The following GSE1 variants were observed in gnomAD, a reference collection of about 807,000 sequenced individuals.
The protein encoded by GSE1 is genetic suppressor element 1.
In GSE1, 32 loss-of-function variants were observed where a neutral mutation model predicts 112.6. That is an observed-to-expected ratio of 0.28 (90% confidence interval 0.21 to 0.38). GSE1 has a LOEUF of 0.38. Ranked by LOEUF, GSE1 falls within the 10% of genes least tolerant of loss-of-function variation. The pLI, the probability that GSE1 is intolerant of heterozygous loss-of-function variation, is 1.00. For synonymous variants in GSE1, 1,115 were observed against 735.6 expected (o/e 1.52, Z -8.35); for missense variants, 2,348 against 1,699.2 (o/e 1.38, Z -6.71).
In GSE1 at chr16:85,675,969, C is replaced by T. The variant is rs2053653222; in HGVS notation, c.*3430C>T. 6.6e-6 allele frequency: 1 copy of T among 152,590 alleles called. No homozygotes were observed. The highest frequency in any genetic ancestry group is 1.5e-5 in the Non-Finnish European group (1 of 68,040). 9.5% of individuals were successfully genotyped at this position (152,590 alleles called of 1,614,324 possible). A position where few individuals can be genotyped will look rare whatever the true frequency, so the allele number is the denominator to read the frequency against. On this transcript the variant is annotated 3_prime_UTR_variant, in exon 16 of 16. Transcript: ENST00000253458. ...GCTAACTGGTGTTATTTTGTATGTA[C>T]CCTGTGCTTAATTCTATAACAGTAA...
At chr16:85,571,515 G>A (rs575919213) in intron 1 of GSE1, among the ~76,000 whole-genome samples, 44 of 152,360 alleles carry the variant, frequency 2.9e-4, no homozygotes, top group African/African-American at 1.0e-3. Context: ...CCCAGAAGCT[G>A]GAAGGCTGGG....
intron 1 of GSE1, among the ~76,000 whole-genome samples, chr16:85,217,812 C>T (rs993016752): frequency 2.0e-5 from 3 of 152,172 alleles, no homozygotes; most frequent in Non-Finnish European, 4.4e-5. Flanking sequence ...GCCTCCTCCT[C>T]GAAGCCCTCC....
At chr16:85,585,740 G>T (rs536543070) in intron 1 of GSE1, among the ~76,000 whole-genome samples, 4 of 152,194 alleles carry the variant, frequency 2.6e-5, no homozygotes, top group Admixed American at 1.3e-4. Flanking sequence ...TAGAGCTGAC[G>T]GCGATGACAC....
chr16:85,626,765 G>C (rs28507623), intron 1 of GSE1, among the ~76,000 whole-genome samples: 1 of 151,954 alleles, frequency 6.6e-6, no homozygotes, highest in South Asian at 2.1e-4. Flanking sequence ...CAGTAATTAC[G>C]GGATCCGCGG....
upstream of GSE1, among the ~76,000 whole-genome samples, chr16:85,608,437 T>C (rs3935121): frequency 0.09 from 13,500 of 149,874 alleles, 1,870 homozygotes; most frequent in African/African-American, 0.3. Context: ...AGCTAACGGC[T>C]CCCTCCCCCG....
At chr16:85,336,155 G>C (rs1351846837) in intron 1 of GSE1, among the ~76,000 whole-genome samples, 1 of 152,228 alleles carries the variant, frequency 6.6e-6, no homozygotes, top group Non-Finnish European at 1.5e-5. Context: ...GGACTCCAGG[G>C]TCACCAGGGG....
chr16:85,464,184 GC>G (rs1239777709), intron 2 of GSE1, among the ~76,000 whole-genome samples: 1 of 152,114 alleles, frequency 6.6e-6, no homozygotes, highest in Non-Finnish European at 1.5e-5. Context: ...AGCTTTTAAA[GC>G]TTTTTGCCTT....
intron 1 of GSE1, among the ~76,000 whole-genome samples, chr16:85,212,748 C>G (rs573853342): frequency 2.6e-4 from 39 of 152,296 alleles, no homozygotes; most frequent in African/African-American, 9.1e-4. Context: ...TCCGCCCACT[C>G]GCAGGGGTGA....
chr16:85,210,958 G>T (rs890777480), intron 1 of GSE1, among the ~76,000 whole-genome samples: 1 of 152,236 alleles, frequency 6.6e-6, no homozygotes. Context: ...TTCTCTGTAA[G>T]ATGATCTTTG....
upstream of GSE1, among the ~76,000 whole-genome samples, chr16:85,606,684 C>A (rs1299503861): frequency 1.3e-5 from 2 of 152,236 alleles, no homozygotes; most frequent in African/African-American, 4.8e-5. Flanking sequence ...CTGTGGCTTG[C>A]CTGTGGCAGC....
At chr16:85,364,852 C>T (rs1024686244) in intron 2 of GSE1, among the ~76,000 whole-genome samples, 1 of 152,188 alleles carries the variant, frequency 6.6e-6, no homozygotes, top group East Asian at 1.9e-4. Context: ...TTCTGCTGGG[C>T]GGTTCGTCCA....
intron 1 of GSE1, among the ~76,000 whole-genome samples, chr16:85,273,808 G>C (rs1160875444): frequency 6.6e-6 from 1 of 151,798 alleles, no homozygotes; most frequent in African/African-American, 2.4e-5. Flanking sequence ...TCCTGCCTCA[G>C]ACTCCCAAGT....
At chr16:85,183,420 G>A (rs189553796) in intron 1 of GSE1, among the ~76,000 whole-genome samples, 28 of 152,338 alleles carry the variant, frequency 1.8e-4, no homozygotes, top group Non-Finnish European at 2.9e-4. Context: ...GGTGGGCACA[G>A]TGGCTGGGGA....
At position 85,537,124 on chromosome 16, in the gene GSE1, C is replaced by T. The variant is rs187493748; in HGVS notation, c.2465-96790C>T. 2.6e-5 allele frequency among the ~76,000 whole-genome samples: 4 copies of T among 152,310 alleles called. No homozygotes were observed. The East Asian group carries it at 7.7e-4, about 29-fold the overall frequency. ...AGGAGGGAGATTCCAGCTGCCCGTT[C>T]TGTGGCTCATTAGTGGCTCTGAGCA... On this transcript the variant is annotated intron_variant, in intron 2 of 2. Coordinates refer to the GSE1 transcript ENST00000637419.
chr16:85,208,950 ATGTTGGGGTTCGCCTG>A (rs934642744), intron 1 of GSE1, among the ~76,000 whole-genome samples: 3 of 76,010 alleles, frequency 3.9e-5, no homozygotes, highest in African/African-American at 5.2e-5. Flanking sequence ...GGTTCGCCGC[ATGTTGGGGTTCGCCTG>A]TGTTGGGGTT....
intron 1 of GSE1, among the ~76,000 whole-genome samples, chr16:85,216,265 A>C (rs2075305315): frequency 6.6e-6 from 1 of 152,162 alleles, no homozygotes; most frequent in Non-Finnish European, 1.5e-5. Context: ...TTAGCCAGGC[A>C]TGGTGGTGTG....
intron 1 of GSE1, among the ~76,000 whole-genome samples, chr16:85,595,953 C>T (rs527612626): frequency 7.2e-6 from 1 of 138,006 alleles, no homozygotes; most frequent in Non-Finnish European, 1.6e-5. Flanking sequence ...CCCATTCCTC[C>T]GCCCTCCCAC....
intron 2 of GSE1, among the ~76,000 whole-genome samples, chr16:85,547,412 G>T (rs927930794): frequency 2.6e-5 from 4 of 152,190 alleles, no homozygotes; most frequent in Admixed American, 2.0e-4. Flanking sequence ...CCCTCGGCTT[G>T]TGGCCATATC....
intron 1 of GSE1, among the ~76,000 whole-genome samples, chr16:85,560,077 T>C (rs1400493888): frequency 6.6e-6 from 1 of 152,094 alleles, no homozygotes; most frequent in African/African-American, 2.4e-5. Flanking sequence ...ATTATTGTTA[T>C]TGAGGTAGAA....
Sources: gnomAD v4.1 joint callset for allele counts (sites outside exome capture counted in the v4.1 genomes callset) on GRCh38, gnomAD v4.1.1 for gene constraint, MANE v1.5 for transcripts, NCBI Gene and HGNC (gene_info 2026-07-23, HGNC 2026-07-21) for gene names.